DSCAM: variants seen among roughly 807,000 people sequenced by gnomAD.
DSCAM encodes DS cell adhesion molecule, also known as cell adhesion molecule DSCAM.
Under a neutral mutation model 217.7 loss-of-function variants are expected in DSCAM, and 47 were observed. The ratio of observed to expected loss-of-function variants is 0.22; its 90% confidence interval spans 0.17 to 0.28. The LOEUF (loss-of-function observed/expected upper bound fraction) is 0.28, where lower values mean the gene tolerates loss of function less well. DSCAM is among the 10% of genes least tolerant of loss of function. The pLI, the probability that DSCAM is intolerant of heterozygous loss-of-function variation, is 1.00. For missense variants in DSCAM, 2,080 were observed against 2,618.3 expected, an observed-to-expected ratio of 0.79 and a Z score of 4.49; for synonymous variants, 1,056 against 1,015.3, an observed-to-expected ratio of 1.04 and a Z score of -0.76.
intron 3 of DSCAM, among the ~76,000 whole-genome samples, chr21:40,485,373 G>T (rs931479154): frequency 1.3e-5 from 2 of 151,736 alleles, no homozygotes; most frequent in African/African-American, 2.4e-5. Context: ...CTCCCGAGTA[G>T]CTGGGACTAC....
intron 1 of DSCAM, among the ~76,000 whole-genome samples, chr21:40,796,398 C>T (rs919264785): frequency 3.9e-5 from 6 of 152,284 alleles, no homozygotes; most frequent in South Asian, 4.1e-4. Context: ...CAGTCCAACA[C>T]GTAATGTGAG....
chr21:40,295,794 C>A (rs1240769776), intron 10 of DSCAM, among the ~76,000 whole-genome samples: 1 of 152,082 alleles, frequency 6.6e-6, no homozygotes. Context: ...TTCCTAAGTG[C>A]TGAAACAATC....
chr21:40,247,137 G>A (rs143547241), intron 11 of DSCAM, among the ~76,000 whole-genome samples: 58 of 152,244 alleles, frequency 3.8e-4, no homozygotes, highest in Non-Finnish European at 7.4e-4. Context: ...ATTACCTCCA[G>A]CTAAGACCCT....
rs1384446534 is a variant in DSCAM, at chr21:40,620,384, AAGAG to A, written c.508+72422_508+72425del. 5.8e-4 allele frequency among the ~76,000 whole-genome samples: 55 copies of A among 94,774 alleles called. 4 individuals carry two copies. Among genetic ancestry groups the A allele is most frequent in the Non-Finnish European group, 1.0e-3 (41 of 39,174 alleles). The allele number at this position is 94,774 out of a possible 152,430, so 62.2% of individuals were successfully genotyped here. On this transcript the variant is annotated intron_variant, in intron 3 of 32. Transcript: ENST00000400454. ...AAAAAGAAAAAGAAAGAAAGAAAGA[AAGAG>A]AAAGAAAGAAAGAAAGGAGGGAGGG...
At position 40,358,737 on chromosome 21, in the gene DSCAM, G is replaced by A. The variant is rs534795467; in HGVS notation, c.656-4994C>T. ...TAATAGCTTGAACCCGGGAAGCGGAGGTTGCAGTGAGCCAAGATCATGCCA... is the reference window on the plus strand; with the variant it reads ...TAATAGCTTGAACCCGGGAAGCGGAAGTTGCAGTGAGCCAAGATCATGCCA... On this transcript the variant is annotated intron_variant, in intron 4 of 32. Transcript: ENST00000400454. Among the ~76,000 whole-genome samples, 11 of 151,572 alleles carry A rather than the reference G, an allele frequency of 7.3e-5. No homozygotes were observed. The South Asian group carries it at 2.3e-3, about 32-fold the overall frequency.
At position 40,368,976 on chromosome 21, in the gene DSCAM, A is replaced by C; in HGVS notation, c.655+123T>G. The C allele has an allele frequency of 4.4e-6, 5 of 1,129,466 alleles. No individual in the cohort carries two copies. In the East Asian group the frequency reaches 1.1e-4, roughly 24 times the overall value. The allele number at this position is 1,129,466 out of a possible 1,614,324, so 70.0% of individuals were successfully genotyped here. On this transcript the variant is annotated intron_variant, in intron 4 of 32. Transcript: ENST00000400454. ...AAAAGAGTTTTAAAATTCCTAAAAT[A>C]TTTTGGAAAAGGAATTGAAGGCTCC... is the stretch of plus-strand genomic sequence containing the variant.
intron 28 of DSCAM, among the ~76,000 whole-genome samples, chr21:40,060,612 C>T (rs924226043): frequency 2.6e-5 from 4 of 152,192 alleles, no homozygotes; most frequent in Middle Eastern, 3.4e-3. Context: ...CAAACTCACG[C>T]CATTCTAAAG....
intron 6 of DSCAM, among the ~76,000 whole-genome samples, chr21:40,342,550 A>G (rs1569074317): frequency 1.3e-5 from 2 of 149,772 alleles, no homozygotes. Context: ...TTTTTTTGCC[A>G]TACATTTATT....
At chr21:40,633,349 G>C (rs2089716623) in intron 3 of DSCAM, among the ~76,000 whole-genome samples, 1 of 152,140 alleles carries the variant, frequency 6.6e-6, no homozygotes, top group African/African-American at 2.4e-5. Context: ...AGATCTCACA[G>C]CAAGACCCAG....
chr21:40,566,816 T>G (rs2076768273), intron 3 of DSCAM, among the ~76,000 whole-genome samples: 1 of 152,122 alleles, frequency 6.6e-6, no homozygotes, highest in Non-Finnish European at 1.5e-5. Context: ...ATTCACTCAT[T>G]GAACAAATAT....
chr21:40,727,460 G>A (rs1029344993), intron 1 of DSCAM, among the ~76,000 whole-genome samples: 11 of 152,092 alleles, frequency 7.2e-5, no homozygotes, highest in African/African-American at 1.7e-4. Context: ...AGTTTTAATC[G>A]AAGAAGTAAA....
chr21:40,076,188 T>C (rs439764), intron 26 of DSCAM, among the ~76,000 whole-genome samples: 79,455 of 151,820 alleles, frequency 0.52, 21,027 homozygotes, highest in South Asian at 0.77. Context: ...CTGCTAAAGC[T>C]GAGAAGAGTG....
At chr21:40,686,942 A>G (rs1221781832) in intron 3 of DSCAM, among the ~76,000 whole-genome samples, 1 of 152,182 alleles carries the variant, frequency 6.6e-6, no homozygotes, top group Non-Finnish European at 1.5e-5. Flanking sequence ...AAAGAAAGAG[A>G]CCAGGGCCCT....
intron 1 of DSCAM, among the ~76,000 whole-genome samples, chr21:40,731,066 G>C (rs531437808): frequency 5.6e-4 from 86 of 152,214 alleles, no homozygotes; most frequent in Non-Finnish European, 1.1e-3. Context: ...CAGTAAACTA[G>C]AATGTCAGAG....
At chr21:40,369,339 C>T in intron 3 of DSCAM, 94 bp from the exon 4 acceptor site, 8 of 1,301,338 alleles carry the variant, frequency 6.1e-6, no homozygotes, top group Non-Finnish European at 7.2e-6. Context: ...TTTTCCCCCA[C>T]CTGAAGAAAC....
At chr21:40,449,575 A>G (rs752483317) in intron 3 of DSCAM, among the ~76,000 whole-genome samples, 2 of 152,206 alleles carry the variant, frequency 1.3e-5, no homozygotes, top group Non-Finnish European at 2.9e-5. Flanking sequence ...GTCATCTATG[A>G]TGTATTGTCT....
intron 32 of DSCAM, among the ~76,000 whole-genome samples, chr21:40,026,944 G>A (rs536629676): frequency 4.7e-4 from 71 of 152,348 alleles, no homozygotes; most frequent in African/African-American, 1.2e-3. Context: ...TATTTTGCTC[G>A]TTAGTTGATG....
chr21:40,520,247 A>G (rs77792560), intron 3 of DSCAM, among the ~76,000 whole-genome samples: 3,148 of 152,230 alleles, frequency 0.021, 109 homozygotes, highest in African/African-American at 0.071. Context: ...CTCTCATTCT[A>G]GAGGCACACA....
chr21:40,452,727 CT>C (rs141779190), intron 3 of DSCAM, among the ~76,000 whole-genome samples: 3 of 150,170 alleles, frequency 2.0e-5, no homozygotes, highest in African/African-American at 4.9e-5. Flanking sequence ...GATTTAGTTG[CT>C]TTTTTTTTAG....
Sources: allele counts gnomAD v4.1 joint callset (sites outside exome capture counted in the v4.1 genomes callset), GRCh38; gene constraint gnomAD v4.1.1; transcripts MANE v1.5; gene names NCBI Gene and HGNC (gene_info 2026-07-23, HGNC 2026-07-21).